Variants in GOLIM4 observed in about 807,000 individuals in gnomAD.
The protein encoded by GOLIM4 is 130 kDa golgi-localized phosphoprotein.
In GOLIM4, 71 loss-of-function variants were observed where a neutral mutation model predicts 107.4. The observed-to-expected ratio is 0.66, with a 90% CI of 0.55 to 0.81. The LOEUF (loss-of-function observed/expected upper bound fraction) is 0.81. GOLIM4 is among the 30% of genes least tolerant of loss of function. The pLI, the probability that GOLIM4 is intolerant of heterozygous loss-of-function variation, is 0.00. For synonymous variants in GOLIM4, 327 were observed against 294.8 expected, an observed-to-expected ratio of 1.11 and a Z score of -1.12; for missense variants, 830 against 826.1, an observed-to-expected ratio of 1.00 and a Z score of -0.06.
chr3:168,078,041 G>T (rs1721156763), intron 1 of GOLIM4, among the ~76,000 whole-genome samples: 1 of 151,698 alleles, frequency 6.6e-6, no homozygotes, highest in South Asian at 2.1e-4. Context: ...CTAGTATTGG[G>T]AGGTGAAACC....
chr3:168,017,521 C>T (rs936310503), intron 14 of GOLIM4, among the ~76,000 whole-genome samples: 3 of 152,102 alleles, frequency 2.0e-5, no homozygotes, highest in Non-Finnish European at 2.9e-5. Flanking sequence ...TTAAAATTCC[C>T]ATTTCTGTAT....
In GOLIM4 at chr3:168,036,392, T is replaced by C. The variant is rs561513446; in HGVS notation, c.843+444A>G. 6.6e-5 allele frequency among the ~76,000 whole-genome samples: 10 copies of C among 151,724 alleles called. No individual in the cohort carries two copies. The South Asian group carries it at 8.4e-4, about 13-fold the overall frequency. ...CCTGTCTCTACTGAAAATACAAAAA[T>C]TAGCCAGGCGTGGTGGCGGGCGCCT... On this transcript the variant is annotated intron_variant, in intron 8 of 15. Coordinates refer to ENST00000470487, the MANE Select transcript of GOLIM4 (RefSeq NM_014498.5).
At chr3:168,072,155 C>G (rs1465897621) in intron 1 of GOLIM4, among the ~76,000 whole-genome samples, 1 of 152,068 alleles carries the variant, frequency 6.6e-6, no homozygotes, top group Non-Finnish European at 1.5e-5. Context: ...TGGTCTTGGG[C>G]CAGCCCTACA....
chr3:168,045,986 ATCT>A (rs1466684436), intron 3 of GOLIM4, among the ~76,000 whole-genome samples: 8 of 152,058 alleles, frequency 5.3e-5, no homozygotes, highest in Admixed American at 3.9e-4. Flanking sequence ...GGCTCAAGTG[ATCT>A]TCTGCCTCAG....
chr3:168,085,131 C>G (rs1055593455), intron 1 of GOLIM4, among the ~76,000 whole-genome samples: 5 of 152,078 alleles, frequency 3.3e-5, no homozygotes, highest in African/African-American at 9.7e-5. Flanking sequence ...TTGATAGTTA[C>G]GAAAATTCTT....
intron 1 of GOLIM4, among the ~76,000 whole-genome samples, chr3:168,073,582 G>A (rs1022804160): frequency 2.0e-5 from 3 of 152,062 alleles, no homozygotes; most frequent in Admixed American, 6.6e-5. Context: ...ATCGCATGGT[G>A]GAAGACAGAC....
intron 1 of GOLIM4, among the ~76,000 whole-genome samples, chr3:168,082,778 T>C (rs1049513777): frequency 1.5e-4 from 22 of 151,554 alleles, no homozygotes; most frequent in Non-Finnish European, 5.9e-5. Context: ...GTGAACATCA[T>C]GGCAGAAACC....
At chr3:168,062,146 A>C (rs760469965) in intron 1 of GOLIM4, among the ~76,000 whole-genome samples, 11 of 152,152 alleles carry the variant, frequency 7.2e-5, no homozygotes, top group Non-Finnish European at 1.5e-4. Flanking sequence ...ACTTTGGTCC[A>C]AACTCTACAC....
At chr3:168,039,795 A>G (rs1231136234) in intron 7 of GOLIM4, among the ~76,000 whole-genome samples, 1 of 152,212 alleles carries the variant, frequency 6.6e-6, no homozygotes, top group Non-Finnish European at 1.5e-5. Context: ...AAAAATTTTT[A>G]TAAAGAAGAC....
intron 8 of GOLIM4, among the ~76,000 whole-genome samples, chr3:168,033,429 C>G (rs1374290780): frequency 1.6e-5 from 2 of 127,510 alleles, no homozygotes; most frequent in Non-Finnish European, 3.3e-5. Flanking sequence ...CACAGTGAAA[C>G]CCCGTCTCTA....
chr3:168,017,209 C>G (rs1481974592), intron 14 of GOLIM4, among the ~76,000 whole-genome samples: 1 of 151,916 alleles, frequency 6.6e-6, no homozygotes, highest in African/African-American at 2.4e-5. Context: ...AAATTCTGGC[C>G]AGGCGTGGTG....
At chr3:168,027,352 C>T (rs978593468) in intron 12 of GOLIM4, among the ~76,000 whole-genome samples, 1 of 152,182 alleles carries the variant, frequency 6.6e-6, no homozygotes, top group African/African-American at 2.4e-5. Flanking sequence ...AGTTTCCTTT[C>T]TCTGGTCCCA....
In GOLIM4 at chr3:168,029,871, C is replaced by T. The variant is rs62637708; in HGVS notation, c.1342G>A (p.Glu448Lys). 3 of 1,614,006 alleles carry T rather than the reference C, an allele frequency of 1.9e-6. 1 individual carries two copies. Among genetic ancestry groups the T allele is most frequent in the Admixed American group, 3.3e-5 (2 of 60,018 alleles). Residue 448 changes from glutamate (E) to lysine (K), a missense_variant, in exon 10 of 16, where the codon GAA becomes AAA. Glu to Lys is a moderately conservative substitution (Grantham distance 56). Transcript: ENST00000470487. ...CTTGCCACCTGCTGCTGCTGCTGTT[C>T]CTGCTGCCGTAGTAAGTGCCCCTGC... ...RLQGHLLRQQ[E>K]QQQQQVAREM...
intron 1 of GOLIM4, among the ~76,000 whole-genome samples, chr3:168,067,521 A>AC (rs1476840580): frequency 4.0e-5 from 6 of 150,948 alleles, no homozygotes; most frequent in African/African-American, 1.5e-4. Context: ...ATTAAAAAAA[A>AC]AAAAACACAC....
chr3:168,026,746 T>C lies in GOLIM4; in HGVS notation c.1623+982A>G, dbSNP rs558398268. ...CCTTTTCCTGAAAATATTTCAGGAC[T>C]AGGTTCCCTGGAGCATATTTTCAGA... is the stretch of plus-strand genomic sequence containing the variant. On this transcript the variant is annotated intron_variant, in intron 12 of 15. Coordinates refer to ENST00000470487, the MANE Select transcript of GOLIM4 (RefSeq NM_014498.5). Among the ~76,000 whole-genome samples the C allele has an allele frequency of 3.1e-4, 47 of 152,316 alleles. No homozygotes were observed. In the South Asian group the frequency reaches 9.7e-3, roughly 32 times the overall value.
rs749279887 is a variant in GOLIM4, at chr3:168,029,932, C to T, written c.1281G>A (p.Leu427=). ...AVQQVEEAQQ[L]REHQEALHQQ... is the part of the protein sequence containing the mutation. The stretch of plus-strand genomic sequence containing the variant: ...GGTGCAAAGCTTCCTGGTGTTCCCG[C>T]AGCTGCTGGGCCTCCTCCACCTGCT... The change falls in exon 10 of 16, where the codon CTG becomes CTA. Residue 427 remains leucine, a synonymous_variant. Coordinates refer to ENST00000470487, the MANE Select transcript of GOLIM4 (RefSeq NM_014498.5). 1.2e-6 allele frequency: 2 copies of T among 1,614,096 alleles called. No individual in the cohort carries two copies. Among genetic ancestry groups the T allele is most frequent in the Non-Finnish European group, 1.7e-6 (2 of 1,180,050 alleles).
At chr3:168,053,679 G>A (rs565116001) in intron 1 of GOLIM4, among the ~76,000 whole-genome samples, 3 of 152,180 alleles carry the variant, frequency 2.0e-5, no homozygotes, top group Non-Finnish European at 4.4e-5. Flanking sequence ...GAGCCTTTAT[G>A]TGACAGTTTT....
intron 1 of GOLIM4, among the ~76,000 whole-genome samples, chr3:168,052,341 T>C (rs1360033485): frequency 6.6e-6 from 1 of 151,202 alleles, no homozygotes; most frequent in African/African-American, 2.5e-5. Context: ...TGTATGTGTA[T>C]ATGCATATAT....
chr3:168,018,579 A>G (rs1717503169), intron 14 of GOLIM4, among the ~76,000 whole-genome samples: 1 of 152,162 alleles, frequency 6.6e-6, no homozygotes, highest in South Asian at 2.1e-4. Context: ...GTCTCACCTT[A>G]TGGTTCTATC....
Sources: gnomAD v4.1 joint callset for allele counts (sites outside exome capture counted in the v4.1 genomes callset) on GRCh38, gnomAD v4.1.1 for gene constraint, MANE v1.5 for transcripts, NCBI Gene and HGNC (gene_info 2026-07-23, HGNC 2026-07-21) for gene names.